Variants in ZMAT4 observed in about 807,000 individuals in gnomAD.
ZMAT4 encodes the protein zinc finger matrin-type protein 4.
Under a neutral mutation model 28.7 loss-of-function variants are expected in ZMAT4, and 17 were observed. The ratio of observed to expected loss-of-function variants is 0.59; its 90% CI spans 0.41 to 0.89. ZMAT4 has a LOEUF of 0.89. ZMAT4 is among the 40% of genes least tolerant of loss of function. ZMAT4 has a pLI of 0.00. For synonymous variants in ZMAT4, 117 were observed against 109.2 expected, an observed-to-expected ratio of 1.07 and a Z score of -0.44; for missense variants, 240 against 283.8, an observed-to-expected ratio of 0.85 and a Z score of 1.11.
chr8:40,702,715 G>T (rs1037158950), intron 3 of ZMAT4, among the ~76,000 whole-genome samples: 1 of 152,148 alleles, frequency 6.6e-6, no homozygotes, highest in Non-Finnish European at 1.5e-5. Flanking sequence ...TGAGGAGTTC[G>T]GTGAAACTCC....
chr8:40,822,075 G>A (rs564773420), intron 2 of ZMAT4, among the ~76,000 whole-genome samples: 2 of 152,336 alleles, frequency 1.3e-5, no homozygotes, highest in Non-Finnish European at 2.9e-5. Flanking sequence ...ACAACAGGAC[G>A]CCAAGTGGGC....
chr8:40,658,484 TG>T (rs1808029268), intron 5 of ZMAT4, among the ~76,000 whole-genome samples: 1 of 151,978 alleles, frequency 6.6e-6, no homozygotes, highest in South Asian at 2.1e-4. Context: ...GGATGGGGCA[TG>T]GGGGGTTGGG....
intron 3 of ZMAT4, among the ~76,000 whole-genome samples, chr8:40,719,147 G>A (rs1426809008): frequency 6.6e-6 from 1 of 152,078 alleles, no homozygotes; most frequent in Admixed American, 6.6e-5. Flanking sequence ...CATATGAGTT[G>A]TTAAGACTTT....
Position 40,660,030 on chromosome 8 carries a change from C to T in ZMAT4, c.577+14674G>A, listed in dbSNP as rs146081068. ...TGCAAATCATTTAACAGTTTGCCAG[C>T]GGGTATCTGTGAAAAGCTGTGCTAC... On this transcript the variant is annotated intron_variant, in intron 5 of 6. Coordinates refer to ENST00000297737, the MANE Select transcript of ZMAT4 (RefSeq NM_024645.3). Among the ~76,000 whole-genome samples the T allele has an allele frequency of 2.5e-3, 384 of 152,270 alleles. 1 individual carries two copies. Among genetic ancestry groups the T allele is most frequent in the Admixed American group, 4.3e-3 (66 of 15,288 alleles).
At chr8:40,589,957 C>T (rs1228520484) in intron 5 of ZMAT4, among the ~76,000 whole-genome samples, 1 of 77,236 alleles carries the variant, frequency 1.3e-5, no homozygotes, top group Non-Finnish European at 2.6e-5. Context: ...TCCTTCTTCC[C>T]TCCTTCCCTC....
At chr8:40,850,844 T>G (rs1817078471) in intron 1 of ZMAT4, among the ~76,000 whole-genome samples, 1 of 152,200 alleles carries the variant, frequency 6.6e-6, no homozygotes, top group Non-Finnish European at 1.5e-5. Flanking sequence ...AAGTTTTTTA[T>G]TCTCAGAACG....
intron 2 of ZMAT4, among the ~76,000 whole-genome samples, chr8:40,781,469 A>G (rs1813820196): frequency 6.6e-6 from 1 of 152,168 alleles, no homozygotes; most frequent in Non-Finnish European, 1.5e-5. Flanking sequence ...AGAATTAAGA[A>G]TCCATAAATA....
At chr8:40,794,051 T>C (rs13259404) in intron 2 of ZMAT4, among the ~76,000 whole-genome samples, 21,695 of 152,234 alleles carry the variant, frequency 0.14, 1,940 homozygotes, top group Non-Finnish European at 0.2. Flanking sequence ...AATTAGTTCT[T>C]TGCCAGCTGC....
At chr8:40,744,231 T>C (rs1812128720) in intron 3 of ZMAT4, among the ~76,000 whole-genome samples, 3 of 152,154 alleles carry the variant, frequency 2.0e-5, no homozygotes. Flanking sequence ...AGATCATGAC[T>C]ACTGTCTTGG....
chr8:40,806,102 T>C lies in ZMAT4; in HGVS notation c.102+19473A>G, dbSNP rs115807350. 8.2e-3 allele frequency among the ~76,000 whole-genome samples: 1,249 copies of C among 152,276 alleles called. 16 individuals carry two copies. Among genetic ancestry groups the C allele is most frequent in the African/African-American group, 0.028 (1,169 of 41,554 alleles). ...TTTATACCTGGTAAAATACGTGCAT[T>C]AAGAATTATTTAAAAACCAAAACGG... On this transcript the variant is annotated intron_variant, in intron 2 of 6. Coordinates refer to ENST00000297737, the MANE Select transcript of ZMAT4 (RefSeq NM_024645.3).
At chr8:40,691,776 C>A (rs904621745) in intron 4 of ZMAT4, among the ~76,000 whole-genome samples, 1 of 152,240 alleles carries the variant, frequency 6.6e-6, no homozygotes, top group South Asian at 2.1e-4. Flanking sequence ...GTGTTTCCGT[C>A]ACTTTACCTT....
At chr8:40,806,724 G>A (rs6474278) in intron 2 of ZMAT4, among the ~76,000 whole-genome samples, 110,954 of 151,966 alleles carry the variant, frequency 0.73, 40,723 homozygotes, top group East Asian at 0.84. Context: ...TCTCATTTGT[G>A]TGGATGTCAT....
intron 2 of ZMAT4, among the ~76,000 whole-genome samples, chr8:40,796,743 G>A (rs1471772027): frequency 6.6e-6 from 1 of 152,132 alleles, no homozygotes; most frequent in Admixed American, 6.5e-5. Flanking sequence ...ATTCCCTTTT[G>A]CTTCTTCATC....
At chr8:40,578,533 T>TA (rs199775186) in intron 6 of ZMAT4, among the ~76,000 whole-genome samples, 2 of 151,584 alleles carry the variant, frequency 1.3e-5, no homozygotes, top group Non-Finnish European at 2.9e-5. Flanking sequence ...TACAACTTAC[T>TA]AAAAAAAAAT....
intron 1 of ZMAT4, among the ~76,000 whole-genome samples, chr8:40,894,669 T>C (rs1350290307): frequency 6.6e-6 from 1 of 152,012 alleles, no homozygotes; most frequent in African/African-American, 2.4e-5. Context: ...CTTGAATACA[T>C]GGAAATAGCG....
intron 5 of ZMAT4, among the ~76,000 whole-genome samples, chr8:40,617,807 A>C (rs1806063169): frequency 6.6e-6 from 1 of 152,208 alleles, no homozygotes; most frequent in Admixed American, 6.5e-5. Context: ...ATGATGTACA[A>C]TAAACTGTGC....
At chr8:40,541,495 T>C (rs1031199206) in intron 6 of ZMAT4, among the ~76,000 whole-genome samples, 6 of 152,204 alleles carry the variant, frequency 3.9e-5, no homozygotes, top group African/African-American at 1.4e-4. Flanking sequence ...ATAATTAAAA[T>C]TAAATACAAT....
chr8:40,749,653 A>G (rs140273585), intron 3 of ZMAT4, among the ~76,000 whole-genome samples: 133 of 152,312 alleles, frequency 8.7e-4, no homozygotes, highest in Non-Finnish European at 1.6e-3. Context: ...ACTCTCACAA[A>G]AAATGTTCTA....
Position 40,733,056 on chromosome 8 carries a change from G to T in ZMAT4, c.192+34585C>A, listed in dbSNP as rs191059436. On this transcript the variant is annotated intron_variant, in intron 3 of 6. Transcript: ENST00000297737. ...TTAGAGGTCTTGCTATGTTGCCCAG[G>T]CTGGTCTTGAAATCCTGGCCTCAAG... Among the ~76,000 whole-genome samples the T allele has an allele frequency of 1.2e-3, 178 of 151,954 alleles. 1 individual carries two copies. The highest frequency in any genetic ancestry group is 3.5e-3 in the South Asian group (17 of 4,808).
Sources: allele counts gnomAD v4.1 joint callset (sites outside exome capture counted in the v4.1 genomes callset), GRCh38; gene constraint gnomAD v4.1.1; transcripts MANE v1.5; gene names NCBI Gene and HGNC (gene_info 2026-07-23, HGNC 2026-07-21).